ANKFN1: variants seen among roughly 807,000 people sequenced by gnomAD.
ANKFN1 encodes the protein ankyrin repeat and fibronectin type-III domain-containing protein 1.
A neutral mutation model predicts 108.7 loss-of-function variants in ANKFN1; 74 were observed. That is an observed-to-expected ratio of 0.68 (90% CI 0.56 to 0.83). The LOEUF is 0.83. Among genes scored for constraint, ANKFN1 ranks in the 40% least tolerant of loss-of-function variants. The probability of loss-of-function intolerance (pLI) is 0.00; values close to 1 mark genes in which losing one functional copy is unlikely to be tolerated. For synonymous variants in ANKFN1, 547 were observed against 516.2 expected (o/e 1.06, Z -0.81); for missense variants, 1,505 against 1,382.3 (o/e 1.09, Z -1.41).
chr17:56,365,837 C>T (rs1230962954), intron 6 of ANKFN1, among the ~76,000 whole-genome samples: 1 of 152,202 alleles, frequency 6.6e-6, no homozygotes, highest in Non-Finnish European at 1.5e-5. Flanking sequence ...GTACAGGACA[C>T]ACTACTTGAT....
chr17:56,498,951 C>A lies in ANKFN1; in HGVS notation c.2497C>A (p.Pro833Thr), dbSNP rs1166777484. ...TCTACAGTATGCAAGATACAAACAA[C>A]CAGTTTCTGGCTTGCCCATCACTAA... is the stretch of plus-strand genomic sequence containing the variant. Reference protein sequence around the residue: ...DALQYARYKQPVSGLPITKLI... With the variant: ...DALQYARYKQTVSGLPITKLI... The change falls in exon 20 of 21, where the codon CCA (proline) becomes ACA (threonine). Residue 833 changes from proline to threonine, a missense_variant. Transcript: ENST00000682825. The A allele has an allele frequency of 6.5e-7, 1 of 1,535,568 alleles. No homozygotes were observed. Among genetic ancestry groups the A allele is most frequent in the Non-Finnish European group, 8.7e-7 (1 of 1,146,620 alleles).
chr17:56,499,915 G>T (rs2051314228), intron 20 of ANKFN1, among the ~76,000 whole-genome samples: 1 of 152,172 alleles, frequency 6.6e-6, no homozygotes, highest in Admixed American at 6.5e-5. Context: ...TCTATAGTTT[G>T]CAAGAGCTCC....
intron 1 of ANKFN1, among the ~76,000 whole-genome samples, chr17:56,167,323 AT>A (rs1910246703): frequency 2.9e-5 from 1 of 34,230 alleles, no homozygotes; most frequent in Non-Finnish European, 6.6e-5. Flanking sequence ...ACACACATAT[AT>A]ATATATATAT....
intron 8 of ANKFN1, among the ~76,000 whole-genome samples, chr17:56,394,374 T>A (rs1377293964): frequency 6.6e-6 from 1 of 152,184 alleles, no homozygotes; most frequent in East Asian, 1.9e-4. Flanking sequence ...CTCTTCCCTG[T>A]CATACACCCC....
chr17:56,085,570 T>G (rs113984611), intron 4 of ANKFN1, among the ~76,000 whole-genome samples: 18 of 151,408 alleles, frequency 1.2e-4, no homozygotes, highest in African/African-American at 4.1e-4. Context: ...TTTAAGCCAC[T>G]GAGTTTGTGG....
intron 2 of ANKFN1, among the ~76,000 whole-genome samples, chr17:56,217,713 C>A (rs901465084): frequency 6.6e-5 from 10 of 150,946 alleles, no homozygotes; most frequent in Non-Finnish European, 1.5e-4. Context: ...AAGTTCATCT[C>A]CCCTTCAAAG....
chr17:56,497,653 G>T (rs550641975), intron 19 of ANKFN1, among the ~76,000 whole-genome samples: 1 of 152,152 alleles, frequency 6.6e-6, no homozygotes, highest in Non-Finnish European at 1.5e-5. Context: ...CAGAGAGAGA[G>T]ATTAACCTTG....
chr17:56,166,677 C>G (rs1188362984), intron 1 of ANKFN1, among the ~76,000 whole-genome samples: 2 of 152,134 alleles, frequency 1.3e-5, no homozygotes, highest in Non-Finnish European at 2.9e-5. Context: ...CAGTCAAAAT[C>G]TGACCCACCC....
chr17:56,064,044 A>G (rs774842064), intron 4 of ANKFN1, among the ~76,000 whole-genome samples: 10 of 152,060 alleles, frequency 6.6e-5, no homozygotes, highest in Admixed American at 2.0e-4. Context: ...TTCAGGCCCT[A>G]TTCATCTGGT....
intron 3 of ANKFN1, among the ~76,000 whole-genome samples, chr17:56,236,035 TTTTTCTTTTC>T (rs752878229): frequency 6.6e-6 from 1 of 151,934 alleles, no homozygotes; most frequent in South Asian, 2.1e-4. Flanking sequence ...CTCTGATTTC[TTTTTCTTTTC>T]TTTTCTTTTC....
At chr17:56,187,087 G>T (rs1912288163) in intron 1 of ANKFN1, among the ~76,000 whole-genome samples, 1 of 152,136 alleles carries the variant, frequency 6.6e-6, no homozygotes, top group Admixed American at 6.6e-5. Flanking sequence ...TGACAAATGG[G>T]ATCTAATTAA....
chr17:56,163,957 T>A (rs1322433630), intron 1 of ANKFN1, among the ~76,000 whole-genome samples: 2 of 152,226 alleles, frequency 1.3e-5, no homozygotes, highest in Non-Finnish European at 2.9e-5. Flanking sequence ...TGTGTGTATT[T>A]TGGTGTTTGT....
intron 4 of ANKFN1, among the ~76,000 whole-genome samples, chr17:56,120,346 C>G (rs10515124): frequency 0.025 from 3,759 of 152,238 alleles, 168 homozygotes; most frequent in African/African-American, 0.086. Context: ...TCTCATCACC[C>G]TTCGGACTTG....
chr17:56,284,965 A>C (rs1314164258), intron 3 of ANKFN1, among the ~76,000 whole-genome samples: 1 of 152,166 alleles, frequency 6.6e-6, no homozygotes, highest in Admixed American at 6.5e-5. Flanking sequence ...AAAGAACCTA[A>C]ATTACCTGGA....
intron 4 of ANKFN1, among the ~76,000 whole-genome samples, chr17:56,079,418 C>A (rs1210947391): frequency 6.6e-6 from 1 of 152,208 alleles, no homozygotes; most frequent in Admixed American, 6.5e-5. Context: ...ATGATACCAG[C>A]AGTGGGGCCT....
intron 6 of ANKFN1, among the ~76,000 whole-genome samples, chr17:56,358,872 C>T (rs2144708864): frequency 6.6e-6 from 1 of 152,142 alleles, no homozygotes; most frequent in Non-Finnish European, 1.5e-5. Context: ...ATATAAAAGC[C>T]CCCAGTCATA....
At chr17:56,225,680 G>A (rs1916215721) in intron 2 of ANKFN1, among the ~76,000 whole-genome samples, 1 of 152,196 alleles carries the variant, frequency 6.6e-6, no homozygotes, top group African/African-American at 2.4e-5. Flanking sequence ...TTTGTCTGTT[G>A]TGGAAATAAG....
Position 56,170,807 on chromosome 17 carries a change from T to TATATATATAC in ANKFN1, c.-71+17278_-71+17279insTATATATACA, listed in dbSNP as rs1361307404. On this transcript the variant is annotated intron_variant, in intron 1 of 20. Transcript: ENST00000682825. ...ATATATATATATATATATATATATA[T>TATATATATAC]ACACACACACACACACACACACACA... is the stretch of plus-strand genomic sequence containing the variant. Among the ~76,000 whole-genome samples, 421 of 61,386 alleles carry TATATATATAC rather than the reference T, an allele frequency of 6.9e-3. 2 individuals carry two copies. Among genetic ancestry groups the TATATATATAC allele is most frequent in the Admixed American group, 0.012 (58 of 4,786 alleles). The allele number at this position is 61,386 out of a possible 152,430, so 40.3% of individuals were successfully genotyped here.
chr17:56,090,369 C>A (rs905069298), intron 4 of ANKFN1, among the ~76,000 whole-genome samples: 2 of 151,260 alleles, frequency 1.3e-5, no homozygotes, highest in African/African-American at 4.9e-5. Flanking sequence ...TTCTAACCCA[C>A]CATATTCAAT....
Sources: gnomAD v4.1 joint callset for allele counts (sites outside exome capture counted in the v4.1 genomes callset) on GRCh38, gnomAD v4.1.1 for gene constraint, MANE v1.5 for transcripts, NCBI Gene and HGNC (gene_info 2026-07-23, HGNC 2026-07-21) for gene names.